ACAD11: variants seen among roughly 807,000 people sequenced by gnomAD.
The protein encoded by ACAD11 is acyl-Coenzyme A dehydrogenase family, member 11.
Under a neutral mutation model 102.2 loss-of-function variants are expected in ACAD11, and 83 were observed. The observed-to-expected ratio is 0.81, with a 90% CI of 0.68 to 0.97. The LOEUF is 0.97. ACAD11 is among the 50% of genes least tolerant of loss of function. The pLI is 0.00. For synonymous variants in ACAD11, 324 were observed against 319.8 expected (o/e 1.01, Z -0.14); for missense variants, 901 against 951.7 (o/e 0.95, Z 0.70).
At chr3:132,609,821 A>G (rs1939036908) in intron 11 of ACAD11, among the ~76,000 whole-genome samples, 1 of 152,218 alleles carries the variant, frequency 6.6e-6, no homozygotes, top group African/African-American at 2.4e-5. Context: ...TGGAGACACA[A>G]CAAAAAAAGA....
At chr3:132,628,485 C>A (rs775439250) in intron 7 of ACAD11, 39 bp from the exon 8 acceptor site, 2 of 1,425,844 alleles carry the variant, frequency 1.4e-6, no homozygotes, top group East Asian at 4.7e-5. Context: ...TCATTGAAAA[C>A]CGTCCTTCAA....
At position 132,630,471 on chromosome 3, in the gene ACAD11, G is replaced by T; in HGVS notation, c.929C>A (p.Ala310Asp). ...SILPNWNFFLALSYFKMAGIA... is the reference protein window; with the variant it reads ...SILPNWNFFLDLSYFKMAGIA... ...TCCAGCCATCTTAAAATATGAAAGGGCAAGAAAGAAATTCCAGTTAGGAAG... is the reference window on the plus strand; with the variant it reads ...TCCAGCCATCTTAAAATATGAAAGGTCAAGAAAGAAATTCCAGTTAGGAAG... The change falls in exon 7 of 20, where the codon GCC (alanine) becomes GAC (aspartate). Residue 310 changes from alanine to aspartate, a missense_variant. Coordinates refer to ENST00000264990, the MANE Select transcript of ACAD11 (RefSeq NM_032169.5). The T allele has an allele frequency of 6.2e-7, 1 of 1,612,884 alleles. No homozygotes were observed. The highest frequency in any genetic ancestry group is 1.7e-4 in the Middle Eastern group (1 of 6,056).
intron 11 of ACAD11, among the ~76,000 whole-genome samples, chr3:132,609,698 A>C (rs1939029134): frequency 6.6e-6 from 1 of 152,198 alleles, no homozygotes; most frequent in African/African-American, 2.4e-5. Context: ...ATTCTACCAG[A>C]GGTACAAAGA....
chr3:132,575,226 A>C (rs560865587), intron 17 of ACAD11, among the ~76,000 whole-genome samples: 2 of 152,282 alleles, frequency 1.3e-5, no homozygotes, highest in South Asian at 4.1e-4. Context: ...GTAGTATATA[A>C]TTTACAGATG....
chr3:132,638,276 G>A (rs1940348765), intron 5 of ACAD11, among the ~76,000 whole-genome samples: 1 of 151,928 alleles, frequency 6.6e-6, no homozygotes, highest in African/African-American at 2.4e-5. Context: ...ATGTACCATA[G>A]TTGTATAATA....
chr3:132,579,511 G>T lies in ACAD11; in HGVS notation c.1669C>A (p.Gln557Lys). The change falls in exon 14 of 20, where the codon CAA (glutamine) becomes AAA (lysine). Residue 557 changes from glutamine (Q) to lysine (K), a missense_variant. Physicochemically the swap from Gln to Lys is moderately conservative, Grantham distance 53. Coordinates refer to ENST00000264990, the MANE Select transcript of ACAD11 (RefSeq NM_032169.5). ...CKIAIVLGRT[Q>K]NTSLSRHKQH... ...AATTACCTGGAGAGAGAAGTATTTT[G>T]AGTTCTTCCCAAAACAATTGCAATT... 1 of 1,612,812 alleles carries T rather than the reference G, an allele frequency of 6.2e-7. No individual in the cohort carries two copies.
chr3:132,587,723 A>T (rs1046438732), intron 13 of ACAD11, among the ~76,000 whole-genome samples: 9 of 152,090 alleles, frequency 5.9e-5, no homozygotes, highest in African/African-American at 2.2e-4. Flanking sequence ...TCCTCCACAG[A>T]ATGTTGATGG....
At chr3:132,605,304 C>G in intron 11 of ACAD11, 99 bp from the exon 12 acceptor site, 2 of 652,832 alleles carry the variant, frequency 3.1e-6, no homozygotes, top group South Asian at 5.3e-5. Flanking sequence ...CTTTTTAAAG[C>G]AAATGTTTGC....
intron 9 of ACAD11, among the ~76,000 whole-genome samples, chr3:132,621,709 G>A (rs1296645337): frequency 6.6e-6 from 1 of 152,044 alleles, no homozygotes; most frequent in Non-Finnish European, 1.5e-5. Context: ...TATAATCCCA[G>A]CATTTTGGGA....
chr3:132,570,421 C>T (rs919210965), intron 17 of ACAD11, among the ~76,000 whole-genome samples: 6 of 151,996 alleles, frequency 3.9e-5, no homozygotes, highest in Non-Finnish European at 7.4e-5. Flanking sequence ...TGCTTTGATT[C>T]GAGCCATATT....
chr3:132,600,362 CT>C, intron 13 of ACAD11: 1 of 1,507,704 alleles, frequency 6.6e-7, no homozygotes, highest in Non-Finnish European at 8.9e-7. Context: ...AGACAAATAT[CT>C]ATCCTGTATT....
intron 13 of ACAD11, among the ~76,000 whole-genome samples, chr3:132,595,212 A>C (rs769003246): frequency 6.6e-6 from 1 of 152,218 alleles, no homozygotes; most frequent in Non-Finnish European, 1.5e-5. Flanking sequence ...CTTTGCAATT[A>C]CTAAGACAGA....
At chr3:132,567,791 C>G (rs865813924) in intron 17 of ACAD11, among the ~76,000 whole-genome samples, 1 of 152,102 alleles carries the variant, frequency 6.6e-6, no homozygotes, top group African/African-American at 2.4e-5. Context: ...TAACATTCCC[C>G]TAAGACAGAG....
Position 132,559,848 on chromosome 3 carries a change from TA to T in ACAD11, c.2212del (p.Tyr738ThrfsTer9). ...VCGGAGVSQD[Y>X]PLANMYAITR... is the part of the protein sequence containing the mutation. Reference sequence around the variant, plus strand: ...ATCTACTCACATGTTAGCCAGAGGGTAATCCTGGGAAACACCAGCACCTCCG... The same window carrying T: ...ATCTACTCACATGTTAGCCAGAGGGTATCCTGGGAAACACCAGCACCTCCG... On this transcript the variant is annotated frameshift_variant, in exon 19 of 20. Coordinates refer to ENST00000264990, the MANE Select transcript of ACAD11 (RefSeq NM_032169.5). LOFTEE classifies it high-confidence loss of function. 6.2e-7 allele frequency: 1 copy of T among 1,613,140 alleles called. No individual in the cohort carries two copies. Among genetic ancestry groups the T allele is most frequent in the Non-Finnish European group, 8.5e-7 (1 of 1,179,414 alleles).
intron 17 of ACAD11, among the ~76,000 whole-genome samples, chr3:132,574,306 G>C (rs768224363): frequency 6.6e-6 from 1 of 152,150 alleles, no homozygotes; most frequent in Non-Finnish European, 1.5e-5. Flanking sequence ...AGCATCAGAG[G>C]CTGTATCCAG....
At chr3:132,579,060 G>A (rs1003265846) in intron 14 of ACAD11, 179 bp from the exon 15 acceptor site, 10 of 1,501,172 alleles carry the variant, frequency 6.7e-6, no homozygotes, top group Non-Finnish European at 8.9e-6. Flanking sequence ...CTGTGATCTG[G>A]AACAGAAACA....
rs201541576 is a variant in ACAD11 at position 132,603,251 on chromosome 3, G to A, written c.1599C>T (p.Asn533=). 86 of 1,613,860 alleles carry A rather than the reference G, an allele frequency of 5.3e-5. 2 individuals are homozygous for A. The Admixed American group carries it at 6.3e-4, about 12-fold the overall frequency. The change falls in exon 13 of 20, where the codon AAC becomes AAT. Residue 533 remains asparagine (N), a synonymous_variant. Transcript: ENST00000264990. The stretch of plus-strand genomic sequence containing the variant: ...CACCACTGCTCCACCATTTTTTGCC[G>A]TTAATTACATAGCTATCTTCATCTC... ...IQRDEDSYVI[N]GKKWWSSGAG...
intron 19 of ACAD11, among the ~76,000 whole-genome samples, chr3:132,559,363 C>T (rs776083739): frequency 1.3e-5 from 2 of 152,068 alleles, no homozygotes; most frequent in African/African-American, 4.8e-5. Flanking sequence ...TTAGAACAGG[C>T]AGTGACTGGT....
At position 132,626,823 on chromosome 3, in the gene ACAD11, C is replaced by A; in HGVS notation, c.1071-6G>T. 2 of 1,593,290 alleles carry A rather than the reference C, an allele frequency of 1.3e-6. No individual in the cohort carries two copies. The highest frequency in any genetic ancestry group is 1.7e-6 in the Non-Finnish European group (2 of 1,174,024). ...GTAGTACAGTACTGAAAGTTCTTTG[C>A]CAAAAGAAAAAAGGAAAAAAAGGTT... On this transcript the variant is annotated splice_polypyrimidine_tract_variant and splice_region_variant and intron_variant, in intron 8 of 19. Coordinates refer to ENST00000264990, the MANE Select transcript of ACAD11 (RefSeq NM_032169.5).
Sources: allele counts gnomAD v4.1 joint callset (sites outside exome capture counted in the v4.1 genomes callset), GRCh38; gene constraint gnomAD v4.1.1; transcripts MANE v1.5; gene names NCBI Gene and HGNC (gene_info 2026-07-23, HGNC 2026-07-21).